KALRN: variants seen among roughly 807,000 people sequenced by gnomAD.
KALRN encodes kalirin.
KALRN carries 70 observed loss-of-function variants against 353.7 expected under a neutral mutation model. The ratio of observed to expected loss-of-function variants is 0.20; its 90% confidence interval spans 0.16 to 0.24. The LOEUF (loss-of-function observed/expected upper bound fraction) is 0.24, where lower values mean the gene tolerates loss of function less well. Ranked by LOEUF, KALRN falls within the 10% of genes least tolerant of loss-of-function variation. KALRN has a pLI of 1.00. For synonymous variants in KALRN, 1,391 were observed against 1,434.8 expected (o/e 0.97, Z 0.69); for missense variants, 2,791 against 3,756.7 (o/e 0.74, Z 6.72).
chr3:124,309,856 C>T (rs1478497665), intron 6 of KALRN, among the ~76,000 whole-genome samples: 3 of 152,132 alleles, frequency 2.0e-5, no homozygotes, highest in Non-Finnish European at 4.4e-5. Flanking sequence ...GATACTTCCC[C>T]GCTTAAGATC....
intron 1 of KALRN, chr3:124,163,285 G>A (rs972083653): frequency 6.6e-6 from 1 of 152,242 alleles, no homozygotes; most frequent in African/African-American, 2.4e-5. Flanking sequence ...AACTGCGCAC[G>A]ACTTTCCAAC....
intron 13 of KALRN, among the ~76,000 whole-genome samples, chr3:124,408,226 G>A (rs1270554307): frequency 6.6e-6 from 1 of 152,202 alleles, no homozygotes; most frequent in African/African-American, 2.4e-5. Flanking sequence ...CTCATGTGAA[G>A]TGAAGAAAAC....
chr3:124,106,048 C>T lies in KALRN; in HGVS notation c.73+72235C>T, dbSNP rs552032848. Among the ~76,000 whole-genome samples the T allele has an allele frequency of 3.2e-4, 49 of 152,182 alleles. No individual in the cohort carries two copies. The Middle Eastern group carries it at 0.01, about 32-fold the overall frequency. On this transcript the variant is annotated intron_variant, in intron 1 of 59. Transcript: ENST00000682506. The stretch of plus-strand genomic sequence containing the variant: ...TTTACATTCTAGTGACTAAGGCAGA[C>T]AATACACAAGTCAAAGTAACAGTTG...
chr3:124,432,063 TCA>T (rs1245958249), intron 16 of KALRN, among the ~76,000 whole-genome samples: 1 of 152,188 alleles, frequency 6.6e-6, no homozygotes, highest in Non-Finnish European at 1.5e-5. Flanking sequence ...CACTGAAATA[TCA>T]CAGTGTTAGC....
chr3:124,123,222 C>T (rs561800394), intron 1 of KALRN, among the ~76,000 whole-genome samples: 25 of 146,010 alleles, frequency 1.7e-4, no homozygotes, highest in African/African-American at 4.7e-4. Flanking sequence ...GCAAGATAGG[C>T]AGAAAGCCTT....
chr3:124,208,267 C>A (rs928224883), intron 1 of KALRN, among the ~76,000 whole-genome samples: 1 of 152,192 alleles, frequency 6.6e-6, no homozygotes, highest in Non-Finnish European at 1.5e-5. Context: ...GGCACTCAGC[C>A]TCTAATGGCT....
At chr3:124,409,405 A>G (rs1350739859) in intron 13 of KALRN, among the ~76,000 whole-genome samples, 1 of 152,182 alleles carries the variant, frequency 6.6e-6, no homozygotes, top group Non-Finnish European at 1.5e-5. Flanking sequence ...AAACTAACCC[A>G]TGACCCATGT....
intron 14 of KALRN, among the ~76,000 whole-genome samples, chr3:124,422,075 C>G (rs971324690): frequency 6.6e-6 from 1 of 152,170 alleles, no homozygotes; most frequent in Non-Finnish European, 1.5e-5. Flanking sequence ...TGAGCAAACT[C>G]TCCTTGAGTG....
chr3:124,358,883 C>T (rs2083704688), intron 10 of KALRN, among the ~76,000 whole-genome samples: 1 of 152,186 alleles, frequency 6.6e-6, no homozygotes, highest in Non-Finnish European at 1.5e-5. Flanking sequence ...AGGCTGTCAA[C>T]CACCCTGCTG....
At chr3:124,128,757 G>A (rs911482834) in intron 1 of KALRN, among the ~76,000 whole-genome samples, 1 of 152,134 alleles carries the variant, frequency 6.6e-6, no homozygotes, top group African/African-American at 2.4e-5. Context: ...TCATGCAGGT[G>A]ACTGTGGTAT....
intron 17 of KALRN, among the ~76,000 whole-genome samples, chr3:124,438,007 T>A (rs2093539515): frequency 6.6e-6 from 1 of 152,242 alleles, no homozygotes; most frequent in African/African-American, 2.4e-5. Context: ...TTTATTGCTA[T>A]ACTTTTTAAC....
rs774251256 is a variant in KALRN at position 124,330,246 on chromosome 3, T to TCACACACACACACA, written c.1416+282_1416+295dup. 5.0e-4 allele frequency among the ~76,000 whole-genome samples: 67 copies of TCACACACACACACA among 134,386 alleles called. 1 individual carries two copies. Among genetic ancestry groups the TCACACACACACACA allele is most frequent in the Non-Finnish European group, 3.5e-4 (22 of 63,060 alleles). 88.2% of individuals were successfully genotyped at this position (134,386 alleles called of 152,430 possible). A position where few individuals can be genotyped will look rare whatever the true frequency, so the allele number is the denominator to read the frequency against. On this transcript the variant is annotated intron_variant, in intron 8 of 59. Transcript: ENST00000682506. The stretch of plus-strand genomic sequence containing the variant: ...CGCATTCATTCTCTCTCTCTCTCTC[T>TCACACACACACACA]CACACACACACACACACACACACAC...
intron 15 of KALRN, among the ~76,000 whole-genome samples, chr3:124,425,127 G>A (rs1485774716): frequency 6.6e-6 from 1 of 152,036 alleles, no homozygotes; most frequent in Non-Finnish European, 1.5e-5. Context: ...ATAGAGAAGG[G>A]TAGAGGGGAG....
intron 21 of KALRN, among the ~76,000 whole-genome samples, chr3:124,449,576 A>AT (rs1313431443): frequency 6.6e-6 from 1 of 152,168 alleles, no homozygotes; most frequent in Non-Finnish European, 1.5e-5. Flanking sequence ...CTTGTTTTTC[A>AT]TTTTTTACAA....
chr3:124,106,221 G>A (rs1482832846), intron 1 of KALRN, among the ~76,000 whole-genome samples: 3 of 152,140 alleles, frequency 2.0e-5, no homozygotes, highest in South Asian at 4.2e-4. Context: ...AAGAAAGAGT[G>A]CTTAGAAAAT....
intron 2 of KALRN, among the ~76,000 whole-genome samples, chr3:124,232,066 A>T (rs1370644496): frequency 6.6e-6 from 1 of 152,134 alleles, no homozygotes. Context: ...GAGAGGATGG[A>T]TATGAGAGGA....
At position 124,449,013 on chromosome 3, in the gene KALRN, A is replaced by G. The variant is rs181197425; in HGVS notation, c.3552+2128A>G. 9.2e-5 allele frequency among the ~76,000 whole-genome samples: 14 copies of G among 152,330 alleles called. No individual in the cohort carries two copies. The South Asian group carries it at 2.7e-3, about 29-fold the overall frequency. On this transcript the variant is annotated intron_variant, in intron 21 of 59. Transcript: ENST00000682506. ...CATGTTCCAAATCTCATGGTTATTC[A>G]TATTAGAATATCTACAGGATAACAA... is the stretch of plus-strand genomic sequence containing the variant.
intron 34 of KALRN, among the ~76,000 whole-genome samples, chr3:124,577,985 T>C (rs2074285777): frequency 6.6e-6 from 1 of 152,260 alleles, no homozygotes; most frequent in Admixed American, 6.5e-5. Context: ...TGGTTACTGA[T>C]GACTATTGTC....
At chr3:124,692,513 G>T (rs2150582250) in intron 51 of KALRN, among the ~76,000 whole-genome samples, 1 of 152,354 alleles carries the variant, frequency 6.6e-6, no homozygotes, top group South Asian at 2.1e-4. Flanking sequence ...AGAGGCCCCA[G>T]TTGGGCTATT....
Sources: gnomAD v4.1 joint callset for allele counts (sites outside exome capture counted in the v4.1 genomes callset) on GRCh38, gnomAD v4.1.1 for gene constraint, MANE v1.5 for transcripts, NCBI Gene and HGNC (gene_info 2026-07-23, HGNC 2026-07-21) for gene names.